GALNT17: variants seen among roughly 807,000 people sequenced by gnomAD.
GALNT17 encodes the protein polypeptide N-acetylgalactosaminyltransferase 17, also known as UDP-GalNAc:polypeptide N-acetylgalactosaminyltransferase-like 3.
Under a neutral mutation model 63.7 loss-of-function variants are expected in GALNT17, and 29 were observed. The observed-to-expected ratio is 0.46, with a 90% CI of 0.34 to 0.62. GALNT17 has a LOEUF of 0.62. Among genes scored for constraint, GALNT17 ranks in the 20% least tolerant of loss-of-function variants. The pLI is 0.01. For missense variants in GALNT17, 603 were observed against 799.6 expected, an observed-to-expected ratio of 0.75 and a Z score of 2.97; for synonymous variants, 305 against 318.3, an observed-to-expected ratio of 0.96 and a Z score of 0.45.
intron 9 of GALNT17, among the ~76,000 whole-genome samples, chr7:71,708,652 G>T (rs116304113): frequency 6.6e-6 from 1 of 152,136 alleles, no homozygotes; most frequent in African/African-American, 2.4e-5. Context: ...GCTTGAAATC[G>T]TCACCCAGGT....
At chr7:71,140,266 G>C (rs1787861843) in intron 1 of GALNT17, among the ~76,000 whole-genome samples, 1 of 152,220 alleles carries the variant, frequency 6.6e-6, no homozygotes. Flanking sequence ...ATTCCACAGG[G>C]ATTGAGGACA....
In GALNT17 at chr7:71,670,904, G is replaced by C. The variant is rs201195670; in HGVS notation, c.1404+795G>C. Among the ~76,000 whole-genome samples the C allele has an allele frequency of 2.0e-5, 3 of 150,036 alleles. No homozygotes were observed. The East Asian group carries it at 5.8e-4, about 29-fold the overall frequency. ...ACTGTGTGTGTGTGTGTGTGTGTGC[G>C]TGTGTGTGTGTGCATGTGTGTGTAT... On this transcript the variant is annotated intron_variant, in intron 8 of 10. Transcript: ENST00000333538.
intron 1 of GALNT17, among the ~76,000 whole-genome samples, chr7:71,217,853 C>A (rs34396650): frequency 6.6e-6 from 1 of 151,400 alleles, no homozygotes; most frequent in Non-Finnish European, 1.5e-5. Flanking sequence ...GTGTGAACTC[C>A]GGAGGCGGAG....
chr7:71,452,023 A>G (rs932268939), intron 5 of GALNT17, among the ~76,000 whole-genome samples: 13 of 152,092 alleles, frequency 8.5e-5, no homozygotes, highest in Admixed American at 3.3e-4. Context: ...GAGCCTGGAC[A>G]ATATAGCAAG....
chr7:71,477,511 T>C (rs180766289), intron 5 of GALNT17, among the ~76,000 whole-genome samples: 1 of 151,844 alleles, frequency 6.6e-6, no homozygotes, highest in East Asian at 1.9e-4. Flanking sequence ...AATGGAAAAA[T>C]GTGTGGTTTT....
intron 6 of GALNT17, among the ~76,000 whole-genome samples, chr7:71,588,558 AAACTC>A (rs1366835774): frequency 6.6e-6 from 1 of 152,198 alleles, no homozygotes; most frequent in African/African-American, 2.4e-5. Flanking sequence ...TCAGTTAACT[AAACTC>A]AGTTGACCTA....
chr7:71,178,526 T>G (rs552868415), intron 1 of GALNT17, among the ~76,000 whole-genome samples: 1 of 152,302 alleles, frequency 6.6e-6, no homozygotes, highest in Admixed American at 6.5e-5. Flanking sequence ...TATAAGTGTA[T>G]TGAATGGACT....
At chr7:71,402,451 C>T (rs1793257232) in intron 3 of GALNT17, among the ~76,000 whole-genome samples, 1 of 152,194 alleles carries the variant, frequency 6.6e-6, no homozygotes, top group South Asian at 2.1e-4. Context: ...TTTTTTTCCC[C>T]ACTTCTGGAA....
At chr7:71,507,861 C>T (rs1788292189) in intron 5 of GALNT17, among the ~76,000 whole-genome samples, 1 of 152,148 alleles carries the variant, frequency 6.6e-6, no homozygotes, top group Non-Finnish European at 1.5e-5. Flanking sequence ...ATTTCAAGTT[C>T]CCCACGCCTC....
At chr7:71,489,848 G>T (rs1787977485) in intron 5 of GALNT17, among the ~76,000 whole-genome samples, 1 of 152,186 alleles carries the variant, frequency 6.6e-6, no homozygotes, top group Non-Finnish European at 1.5e-5. Context: ...TATGGCTGGG[G>T]GCTCAGATGT....
chr7:71,339,699 A>G (rs1481513560), intron 2 of GALNT17, among the ~76,000 whole-genome samples: 1 of 151,954 alleles, frequency 6.6e-6, no homozygotes, highest in African/African-American at 2.4e-5. Flanking sequence ...CAAAAAAAAA[A>G]AAGGAAAATT....
intron 5 of GALNT17, among the ~76,000 whole-genome samples, chr7:71,568,479 C>G (rs1490099024): frequency 2.6e-5 from 4 of 152,198 alleles, no homozygotes; most frequent in African/African-American, 9.7e-5. Context: ...GGCATGTCTG[C>G]TATTTTCCCA....
intron 5 of GALNT17, among the ~76,000 whole-genome samples, chr7:71,530,950 G>A (rs1788711046): frequency 6.6e-6 from 1 of 152,146 alleles, no homozygotes; most frequent in Non-Finnish European, 1.5e-5. Flanking sequence ...AGAACTTTCT[G>A]TGATGATGGA....
chr7:71,291,431 C>T lies in GALNT17; in HGVS notation c.239-44119C>T, dbSNP rs141763698. ...TTTTACTGGGGTTGTGATTAGAATC[C>T]AATTCCATGATAGCTAAATCTTGGT... is the stretch of plus-strand genomic sequence containing the variant. On this transcript the variant is annotated intron_variant, in intron 1 of 10. Coordinates refer to ENST00000333538, the MANE Select transcript of GALNT17 (RefSeq NM_022479.3). Among the ~76,000 whole-genome samples the T allele has an allele frequency of 1.5e-3, 226 of 152,228 alleles. 1 individual carries two copies. The highest frequency in any genetic ancestry group is 5.3e-3 in the African/African-American group (219 of 41,540).
intron 5 of GALNT17, among the ~76,000 whole-genome samples, chr7:71,445,212 T>A (rs1439417748): frequency 6.9e-6 from 1 of 145,188 alleles, no homozygotes; most frequent in African/African-American, 2.5e-5. Context: ...AGATTCTCAC[T>A]CCGTCACCCA....
intron 5 of GALNT17, among the ~76,000 whole-genome samples, chr7:71,471,475 A>G (rs115599432): frequency 1.3e-3 from 205 of 151,926 alleles, no homozygotes; most frequent in African/African-American, 4.6e-3. Context: ...AATAGATTCT[A>G]TAGGCAATTA....
rs78294001 is a variant in GALNT17 at position 71,133,485 on chromosome 7, A to G, written c.238+445A>G. Among the ~76,000 whole-genome samples the G allele has an allele frequency of 0.013, 2,018 of 152,198 alleles. 198 individuals carry two copies. The East Asian group carries it at 0.23, about 18-fold the overall frequency. ...TGGAGGGCTTGGATGTCTGCAGACA[A>G]AGTCAAGGCCCCAGGTCGCGGAGCT... On this transcript the variant is annotated intron_variant, in intron 1 of 10. Transcript: ENST00000333538.
intron 5 of GALNT17, among the ~76,000 whole-genome samples, chr7:71,481,455 AAAG>A (rs1337767050): frequency 6.6e-6 from 1 of 152,146 alleles, no homozygotes; most frequent in Middle Eastern, 3.2e-3. Flanking sequence ...GTCTCAAAAA[AAAG>A]AAAAAGGCTG....
intron 6 of GALNT17, among the ~76,000 whole-genome samples, chr7:71,634,147 G>A (rs1790495692): frequency 6.6e-6 from 1 of 152,040 alleles, no homozygotes. Flanking sequence ...CCCCTTTTTG[G>A]AGTCTCCAGT....
Sources: allele counts gnomAD v4.1 joint callset (sites outside exome capture counted in the v4.1 genomes callset), GRCh38; gene constraint gnomAD v4.1.1; transcripts MANE v1.5; gene names NCBI Gene and HGNC (gene_info 2026-07-23, HGNC 2026-07-21).